Variants in NTRK1 observed in about 807,000 individuals in gnomAD.
NTRK1 encodes neurotrophic receptor tyrosine kinase 1.
NTRK1 carries 62 observed loss-of-function variants against 86.8 expected under a neutral mutation model. The ratio of observed to expected loss-of-function variants is 0.71; its 90% confidence interval spans 0.58 to 0.88. The LOEUF (loss-of-function observed/expected upper bound fraction) is 0.88. NTRK1 is among the 40% of genes least tolerant of loss of function. NTRK1 has a pLI of 0.00. For synonymous variants in NTRK1, 469 were observed against 456.6 expected, an observed-to-expected ratio of 1.03 and a Z score of -0.35; for missense variants, 967 against 1,078.4, an observed-to-expected ratio of 0.90 and a Z score of 1.45.
Position 156,868,155 on chromosome 1 carries a change from G to T in NTRK1, c.480G>T (p.Gln160His). 2 of 1,613,940 alleles carry T rather than the reference G, an allele frequency of 1.2e-6. No individual in the cohort carries two copies. The highest frequency in any genetic ancestry group is 1.7e-6 in the Non-Finnish European group (2 of 1,180,054). ...LHCSCALRWL[Q>H]RWEEEGLGGV... The stretch of plus-strand genomic sequence containing the variant: ...GTTCTTGTGCCCTGCGCTGGCTACA[G>T]CGCTGGGAGGAGGAGGGACTGGGCG... Residue 160 changes from glutamine to histidine, a missense_variant, in exon 5 of 17, where the codon CAG becomes CAT. Physicochemically the swap from Gln to His is conservative, Grantham distance 24. Coordinates refer to ENST00000524377, the MANE Select transcript of NTRK1 (RefSeq NM_002529.4).
chr1:156,858,436 T>C, upstream of NTRK1: 3 of 854,198 alleles, frequency 3.5e-6, no homozygotes, highest in Non-Finnish European at 6.1e-6. Flanking sequence ...CATGTTCCAG[T>C]GCAGAGTAAG....
rs77035458 is a variant in NTRK1 at position 156,870,167 on chromosome 1, C to T, written c.718-1456C>T. ...TGCATGGAGAGACCTTAGATCAACT[C>T]TGTTTGGGGTGATTCCAGGATTTGC... On this transcript the variant is annotated intron_variant, in intron 6 of 16. Coordinates refer to ENST00000524377, the MANE Select transcript of NTRK1 (RefSeq NM_002529.4). Among the ~76,000 whole-genome samples the T allele has an allele frequency of 2.6e-3, 396 of 152,338 alleles. 14 individuals carry two copies. The East Asian group carries it at 0.071, about 27-fold the overall frequency.
intron 1 of NTRK1, among the ~76,000 whole-genome samples, chr1:156,862,402 TTG>T (rs1655692370): frequency 1.3e-5 from 2 of 152,144 alleles, no homozygotes; most frequent in African/African-American, 4.8e-5. Context: ...GGCCTTCAGA[TTG>T]GGGTCCAGAC....
chr1:156,848,926 C>T (rs2102862977), intron 2 of NTRK1: 1 of 1,574,662 alleles, frequency 6.4e-7, no homozygotes, highest in Non-Finnish European at 8.6e-7. Context: ...CTCACGACTC[C>T]TTGTAGTACA....
At chr1:156,853,223 T>C (rs1223912092) in intron 2 of NTRK1, among the ~76,000 whole-genome samples, 1 of 152,190 alleles carries the variant, frequency 6.6e-6, no homozygotes, top group East Asian at 1.9e-4. Context: ...TATTGCCAGC[T>C]GACCCTGGAT....
intron 1 of NTRK1, among the ~76,000 whole-genome samples, chr1:156,822,609 G>GTA (rs60950376): frequency 0.21 from 17,077 of 81,226 alleles, 1,620 homozygotes; most frequent in African/African-American, 0.31. Flanking sequence ...TAAAAGATTA[G>GTA]AAAAAAAAAA....
At chr1:156,835,704 A>G (rs895540959) in intron 1 of NTRK1, among the ~76,000 whole-genome samples, 14 of 152,314 alleles carry the variant, frequency 9.2e-5, no homozygotes, top group African/African-American at 2.9e-4. Flanking sequence ...CTTCTGCAGT[A>G]TCTTTGTAAA....
At chr1:156,829,778 G>C (rs1654419441) in intron 1 of NTRK1, among the ~76,000 whole-genome samples, 1 of 152,094 alleles carries the variant, frequency 6.6e-6, no homozygotes. Flanking sequence ...TCAGCCTCCT[G>C]AGTAGCTGGG....
chr1:156,826,836 C>T (rs1487262001), intron 1 of NTRK1, among the ~76,000 whole-genome samples: 1 of 152,218 alleles, frequency 6.6e-6, no homozygotes, highest in African/African-American at 2.4e-5. Flanking sequence ...ATAACATACT[C>T]CCACAACACT....
At chr1:156,851,305 T>G in intron 2 of NTRK1, 1 of 1,614,118 alleles carries the variant, frequency 6.2e-7, no homozygotes, top group African/African-American at 1.3e-5. Flanking sequence ...CACCATGGCG[T>G]CTCCCCGGAT....
rs1010879309 is a variant in NTRK1, at chr1:156,864,372, G to C, written c.231G>C (p.Gln77His). 1 of 1,614,080 alleles carries C rather than the reference G, an allele frequency of 6.2e-7. No homozygotes were observed. The highest frequency in any genetic ancestry group is 1.3e-5 in the African/African-American group (1 of 74,934). ...NLTELYIENQQHLQHLELRDL... is the reference protein window; with the variant it reads ...NLTELYIENQHHLQHLELRDL... Reference sequence around the variant, plus strand: ...CCCACAGCTACATCGAGAACCAGCAGCATCTGCAGCATCTGGAGCTCCGTG... The same window carrying C: ...CCCACAGCTACATCGAGAACCAGCACCATCTGCAGCATCTGGAGCTCCGTG... Residue 77 changes from glutamine (Q) to histidine (H), a missense_variant, in exon 2 of 17, where the codon CAG (glutamine) becomes CAC (histidine). Gln to His is a conservative substitution (Grantham distance 24). This residue lies in a region of NTRK1 where 330 missense variants were observed against 302.0 expected (regional missense o/e 1.09). Coordinates refer to ENST00000524377, the MANE Select transcript of NTRK1 (RefSeq NM_002529.4).
At chr1:156,860,846 G>T (rs921397511), upstream of NTRK1, 34 of 1,371,068 alleles carry the variant, frequency 2.5e-5, no homozygotes, top group Middle Eastern at 2.7e-4. Flanking sequence ...CTTTAACACC[G>T]CCCAGCGCAC....
At chr1:156,852,973 G>A (rs112222089) in intron 2 of NTRK1, among the ~76,000 whole-genome samples, 38 of 151,932 alleles carry the variant, frequency 2.5e-4, no homozygotes, top group African/African-American at 7.7e-4. Flanking sequence ...ACCAGGTTGG[G>A]GGACCCCAGA....
At chr1:156,825,169 A>G (rs1056273196) in intron 1 of NTRK1, among the ~76,000 whole-genome samples, 7 of 152,190 alleles carry the variant, frequency 4.6e-5, no homozygotes, top group African/African-American at 1.7e-4. Context: ...GATTACAGGC[A>G]TGAGCCACTG....
intron 2 of NTRK1, 35 bp from the exon 3 acceptor site, chr1:156,864,693 G>A: frequency 6.2e-7 from 1 of 1,610,862 alleles, no homozygotes; most frequent in Non-Finnish European, 8.5e-7. Context: ...GAGTAGCTGA[G>A]ACCTGGGGAC....
intron 1 of NTRK1, among the ~76,000 whole-genome samples, chr1:156,823,908 A>C (rs542173226): frequency 6.6e-6 from 1 of 152,128 alleles, no homozygotes; most frequent in Non-Finnish European, 1.5e-5. Flanking sequence ...CCAGTGATAG[A>C]TGCTCTTTGG....
rs2102911966 is a variant in NTRK1, at chr1:156,874,923, C to A, written c.1269C>A (p.Gly423=). Residue 423 remains glycine, a synonymous_variant, in exon 11 of 17, where the codon GGC becomes GGA. Transcript: ENST00000524377. The stretch of plus-strand genomic sequence containing the variant: ...CCCACCAGGTCTCGGTGGCTGTGGG[C>A]CTGGCCGTCTTTGCCTGCCTCTTCC... The part of the protein sequence containing the change: ...ETPFGVSVAV[G]LAVFACLFLS... 1 of 1,612,174 alleles carries A rather than the reference C, an allele frequency of 6.2e-7. No homozygotes were observed. The highest frequency in any genetic ancestry group is 1.1e-5 in the South Asian group (1 of 90,954).
chr1:156,839,192 C>A (rs577692980), intron 1 of NTRK1, among the ~76,000 whole-genome samples: 26 of 152,374 alleles, frequency 1.7e-4, no homozygotes, highest in African/African-American at 5.3e-4. Flanking sequence ...GTCATAGAGA[C>A]GGCCTCACGC....
At position 156,875,700 on chromosome 1, in the gene NTRK1, A is replaced by AGT. The variant is rs56185968; in HGVS notation, c.1501+69_1501+70dup. 215,905 of 1,307,392 alleles carry AGT rather than the reference A, an allele frequency of 0.17. 1,381 individuals are homozygous for AGT. The highest frequency in any genetic ancestry group is 0.25 in the African/African-American group (17,140 of 68,274). 81.0% of individuals were successfully genotyped at this position (1,307,392 alleles called of 1,614,324 possible). ...CTATGCTGGGTCAAGGGCAGGGACG[A>AGT]GTGTGTGTGTGTGTGTGTGTGTGTG... On this transcript the variant is annotated intron_variant, in intron 12 of 16. Transcript: ENST00000524377.
Sources: allele counts gnomAD v4.1 joint callset (sites outside exome capture counted in the v4.1 genomes callset), GRCh38; gene constraint gnomAD v4.1.1; regional missense constraint gnomAD v4.1.1; transcripts MANE v1.5; gene names NCBI Gene and HGNC (gene_info 2026-07-23, HGNC 2026-07-21).